The following HSPA4L variants were observed in gnomAD, a reference collection of about 807,000 sequenced individuals.
HSPA4L encodes heat shock protein family A (Hsp70) member 4 like, also known as heat shock 70 kDa protein 4L.
In HSPA4L, 48 loss-of-function variants were observed where a neutral mutation model predicts 100.3. The ratio of observed to expected loss-of-function variants is 0.48; its 90% CI spans 0.38 to 0.61. The LOEUF is 0.61. Among genes scored for constraint, HSPA4L ranks in the 20% least tolerant of loss-of-function variants. The pLI is 0.00. For missense variants in HSPA4L, 886 were observed against 988.6 expected (o/e 0.90, Z 1.39); for synonymous variants, 319 against 328.2 (o/e 0.97, Z 0.30).
At chr4:127,815,570 A>G (rs1015021583) in intron 12 of HSPA4L, among the ~76,000 whole-genome samples, 14 of 151,700 alleles carry the variant, frequency 9.2e-5, no homozygotes, top group African/African-American at 3.4e-4. Context: ...TATTCATCTT[A>G]CTAATGTACC....
In HSPA4L at chr4:127,812,987, C is replaced by T. The variant is rs1308469805; in HGVS notation, c.1578+1351C>T. 6 of 814,900 alleles carry T rather than the reference C, an allele frequency of 7.4e-6. No homozygotes were observed. In the East Asian group the frequency reaches 7.6e-5, roughly 10 times the overall value. The allele number at this position is 814,900 out of a possible 1,614,324, so 50.5% of individuals were successfully genotyped here. A position where few individuals can be genotyped will look rare whatever the true frequency, so the allele number is the denominator to read the frequency against. ...ACTTGTTTGTTTACAACAATGCCAA[C>T]AGCATGCTGGGTAACATTGTAGACT... On this transcript the variant is annotated intron_variant, in intron 12 of 18. Transcript: ENST00000296464.
chr4:127,783,698 T>C (rs1306720515), intron 1 of HSPA4L: 6 of 1,533,528 alleles, frequency 3.9e-6, no homozygotes, highest in African/African-American at 2.7e-5. Flanking sequence ...GGCATCTTAA[T>C]TTGACCGTTC....
chr4:127,812,623 G>T, intron 12 of HSPA4L: 1 of 647,828 alleles, frequency 1.5e-6, no homozygotes, highest in East Asian at 2.7e-5. Context: ...ATTACAATTG[G>T]AAGTCTGCCC....
chr4:127,823,397 C>T (rs1733863074), intron 15 of HSPA4L, 120 bp from the exon 16 acceptor site: 2 of 648,586 alleles, frequency 3.1e-6, no homozygotes, highest in South Asian at 4.2e-5. Context: ...GATCCTCCCA[C>T]CTTGGCCTTT....
rs757739305 is a variant in HSPA4L at position 127,807,996 on chromosome 4, G to A, written c.1245G>A (p.Gly415=). The change falls in exon 11 of 19, where the codon GGG becomes GGA. Residue 415 remains glycine (G), a splice_region_variant and synonymous_variant. Transcript: ENST00000296464. ...RWKTSFEDGS[G]ECEVFCKNHP... ...AGTGAGTTCTTTCCCTCCATTTTAGGGAATGTGAAGTTTTCTGTAAGAACC... is the reference window on the plus strand; with the variant it reads ...AGTGAGTTCTTTCCCTCCATTTTAGAGAATGTGAAGTTTTCTGTAAGAACC... 1.8e-5 allele frequency: 29 copies of A among 1,605,734 alleles called. No homozygotes were observed. The highest frequency in any genetic ancestry group is 1.1e-4 in the South Asian group (10 of 88,572).
intron 11 of HSPA4L, among the ~76,000 whole-genome samples, chr4:127,808,431 A>C (rs1358961621): frequency 6.6e-6 from 1 of 152,180 alleles, no homozygotes; most frequent in Non-Finnish European, 1.5e-5. Context: ...TCATTAATAC[A>C]TGTAACAACT....
rs576174114 is a variant in HSPA4L, at chr4:127,798,802, C to A, written c.429+93C>A. The A allele has an allele frequency of 1.5e-5, 18 of 1,219,700 alleles. 1 individual carries two copies. In the South Asian group the frequency reaches 2.1e-4, roughly 14 times the overall value. The allele number at this position is 1,219,700 out of a possible 1,614,324, so 75.6% of individuals were successfully genotyped here. On this transcript the variant is annotated intron_variant, in intron 4 of 18. Coordinates refer to ENST00000296464, the MANE Select transcript of HSPA4L (RefSeq NM_014278.4). ...GATTTTTCTTCCCTTACACTTTCTGCCCTTATCCAGTAAATAACCTAAATC... is the reference window on the plus strand; with the variant it reads ...GATTTTTCTTCCCTTACACTTTCTGACCTTATCCAGTAAATAACCTAAATC...
At chr4:127,828,498 G>A (rs1389551689) in intron 17 of HSPA4L, among the ~76,000 whole-genome samples, 1 of 152,088 alleles carries the variant, frequency 6.6e-6, no homozygotes, top group African/African-American at 2.4e-5. Flanking sequence ...AGTAGTTAAT[G>A]ATGGAATCAA....
At chr4:127,824,799 C>A (rs1733900754) in intron 16 of HSPA4L, among the ~76,000 whole-genome samples, 1 of 152,252 alleles carries the variant, frequency 6.6e-6, no homozygotes, top group South Asian at 2.1e-4. Flanking sequence ...GAAAGACCTT[C>A]CATACTTGCT....
At chr4:127,823,024 G>A in intron 15 of HSPA4L, 130 bp downstream of exon 15, 1 of 786,638 alleles carries the variant, frequency 1.3e-6, no homozygotes, top group Non-Finnish European at 1.9e-6. Context: ...TATGGGGAAG[G>A]TTCTTATTTT....
chr4:127,832,608 A>T, intron 18 of HSPA4L, 75 bp from the exon 19 acceptor site: 1 of 1,249,032 alleles, frequency 8.0e-7, no homozygotes, highest in Non-Finnish European at 1.1e-6. Context: ...TTAGAAAGTT[A>T]ATGTGGAATT....
chr4:127,795,937 CAT>C, intron 3 of HSPA4L, 29 bp downstream of exon 3: 1 of 1,602,840 alleles, frequency 6.2e-7, no homozygotes. Flanking sequence ...GGGTTACAAA[CAT>C]ATCTTCAAAT....
intron 1 of HSPA4L, among the ~76,000 whole-genome samples, chr4:127,791,659 T>C (rs1005073164): frequency 1.3e-5 from 2 of 152,216 alleles, no homozygotes; most frequent in African/African-American, 4.8e-5. Flanking sequence ...TATAGACTAC[T>C]GGTAACTTTT....
At chr4:127,828,105 GCCA>G (rs1171575472) in intron 17 of HSPA4L, among the ~76,000 whole-genome samples, 2 of 151,996 alleles carry the variant, frequency 1.3e-5, no homozygotes, top group African/African-American at 4.8e-5. Flanking sequence ...ATTCTTATCT[GCCA>G]CTGTAGCACA....
At chr4:127,787,816 T>A (rs1732759937) in intron 1 of HSPA4L, among the ~76,000 whole-genome samples, 1 of 152,042 alleles carries the variant, frequency 6.6e-6, no homozygotes, top group Admixed American at 6.6e-5. Context: ...TATTTCTAAA[T>A]GTTTAACATT....
chr4:127,805,132 GCAGTGAAAGAA>G lies in HSPA4L; in HGVS notation c.1048_1058del (p.Val350AsnfsTer3). On this transcript the variant is annotated frameshift_variant, in exon 9 of 19. Coordinates refer to ENST00000296464, the MANE Select transcript of HSPA4L (RefSeq NM_014278.4). LOFTEE classifies it high-confidence loss of function. ...TGTAGGAGGAGCAACACGAATTCCTGCAGTGAAAGAACAAATCACTAAATTCTTTCTTAAAG... is the reference window on the plus strand; with the variant it reads ...TGTAGGAGGAGCAACACGAATTCCTGCAAATCACTAAATTCTTTCTTAAAG... 1 of 1,611,966 alleles carries G rather than the reference GCAGTGAAAGAA, an allele frequency of 6.2e-7. No homozygotes were observed. Among genetic ancestry groups the G allele is most frequent in the Non-Finnish European group, 8.5e-7 (1 of 1,178,520 alleles).
intron 3 of HSPA4L, 94 bp downstream of exon 3, chr4:127,796,002 T>A: frequency 8.3e-7 from 1 of 1,210,466 alleles, no homozygotes; most frequent in African/African-American, 1.5e-5. Flanking sequence ...CTTTTTCCTC[T>A]AGATACAGTA....
chr4:127,807,858 A>G (rs536001285), intron 10 of HSPA4L, 138 bp from the exon 11 acceptor site: 5 of 781,370 alleles, frequency 6.4e-6, no homozygotes, highest in Admixed American at 6.7e-5. Flanking sequence ...GAGCAAAATC[A>G]GTAATTGTTT....
In HSPA4L at chr4:127,839,050, T is replaced by C. The variant is rs903658049; in HGVS notation, c.*6176T>C. ...CCAAAAGAGGTCAATTTTGTGAGTA[T>C]TGCCTATTAAGTAAACAACATCCCT... On this transcript the variant is annotated 3_prime_UTR_variant, in exon 19 of 19. Coordinates refer to ENST00000296464, the MANE Select transcript of HSPA4L (RefSeq NM_014278.4). The C allele has an allele frequency of 2.0e-5, 3 of 152,214 alleles. No individual in the cohort carries two copies. The highest frequency in any genetic ancestry group is 2.9e-5 in the Non-Finnish European group (2 of 68,042). 9.4% of individuals were successfully genotyped at this position (152,214 alleles called of 1,614,324 possible).
Sources: allele counts gnomAD v4.1 joint callset (sites outside exome capture counted in the v4.1 genomes callset), GRCh38; gene constraint gnomAD v4.1.1; transcripts MANE v1.5; gene names NCBI Gene and HGNC (gene_info 2026-07-23, HGNC 2026-07-21).